The following HMCN1 variants were observed in gnomAD, a reference collection of about 807,000 sequenced individuals.
HMCN1 encodes hemicentin 1.
A neutral mutation model predicts 625.9 loss-of-function variants in HMCN1; 321 were observed. The ratio of observed to expected loss-of-function variants is 0.51; its 90% CI spans 0.47 to 0.56. HMCN1 has a LOEUF of 0.56. Ranked by LOEUF, HMCN1 falls within the 20% of genes least tolerant of loss-of-function variation. The pLI, the probability that HMCN1 is intolerant of heterozygous loss-of-function variation, is 0.00. For missense variants in HMCN1, 6,588 were observed against 6,887.3 expected, an observed-to-expected ratio of 0.96 and a Z score of 1.54; for synonymous variants, 2,425 against 2,417.6, an observed-to-expected ratio of 1.00 and a Z score of -0.09.
intron 11 of HMCN1, among the ~76,000 whole-genome samples, chr1:185,952,240 G>T (rs1382498612): frequency 1.3e-5 from 2 of 151,818 alleles, no homozygotes; most frequent in African/African-American, 4.9e-5. Flanking sequence ...GCTAGTCACG[G>T]AATGAAACTG....
intron 1 of HMCN1, among the ~76,000 whole-genome samples, chr1:185,757,221 C>T (rs2102111156): frequency 6.6e-6 from 1 of 152,322 alleles, no homozygotes; most frequent in East Asian, 1.9e-4. Flanking sequence ...AATCCACCCA[C>T]CTCGGCCTCC....
At chr1:186,133,711 A>G (rs1199957051) in intron 86 of HMCN1, among the ~76,000 whole-genome samples, 1 of 152,190 alleles carries the variant, frequency 6.6e-6, no homozygotes, top group Non-Finnish European at 1.5e-5. Context: ...TAGACATTTA[A>G]TAAGTATCTA....
At chr1:186,145,609 A>G in intron 92 of HMCN1, 36 bp downstream of exon 92, 2 of 1,612,498 alleles carry the variant, frequency 1.2e-6, no homozygotes, top group Non-Finnish European at 1.7e-6. Flanking sequence ...GAATAAGTAA[A>G]GCATTTCATT....
intron 1 of HMCN1, among the ~76,000 whole-genome samples, chr1:185,841,577 C>T (rs1024971491): frequency 6.6e-6 from 1 of 152,178 alleles, no homozygotes; most frequent in African/African-American, 2.4e-5. Flanking sequence ...CCTCCTTCCT[C>T]CTATATTCAA....
intron 46 of HMCN1, among the ~76,000 whole-genome samples, chr1:186,060,195 A>G (rs1421910287): frequency 6.6e-6 from 1 of 152,120 alleles, no homozygotes; most frequent in Non-Finnish European, 1.5e-5. Flanking sequence ...GCTTATAGAA[A>G]AAGTTCAATG....
intron 1 of HMCN1, among the ~76,000 whole-genome samples, chr1:185,832,932 G>A (rs1660952976): frequency 1.3e-5 from 2 of 152,168 alleles, no homozygotes; most frequent in South Asian, 2.1e-4. Flanking sequence ...CAGTAAAAGT[G>A]GATGGAGACT....
intron 97 of HMCN1, among the ~76,000 whole-genome samples, chr1:186,163,489 G>A (rs1030515332): frequency 8.5e-5 from 13 of 152,226 alleles, no homozygotes; most frequent in Non-Finnish European, 1.3e-4. Flanking sequence ...GAAATCACCC[G>A]TCTTCTGCCT....
intron 59 of HMCN1, 26 bp downstream of exon 59, chr1:186,087,356 T>G: frequency 6.2e-7 from 1 of 1,601,340 alleles, no homozygotes; most frequent in Non-Finnish European, 8.6e-7. Flanking sequence ...CTTCATAAAA[T>G]TCTTTTATTT....
chr1:185,877,309 C>T (rs938604371), intron 4 of HMCN1, among the ~76,000 whole-genome samples: 33 of 64,980 alleles, frequency 5.1e-4, no homozygotes, highest in Admixed American at 1.1e-3. Flanking sequence ...TTTCATTGAT[C>T]TATGTGTCTT....
At chr1:186,112,213 A>G (rs776239932) in intron 71 of HMCN1, among the ~76,000 whole-genome samples, 38 of 152,326 alleles carry the variant, frequency 2.5e-4, no homozygotes, top group Middle Eastern at 3.4e-3. Context: ...TTAGAGTACA[A>G]TGTTTTCCTC....
At position 186,086,287 on chromosome 1, in the gene HMCN1, G is replaced by T; in HGVS notation, c.8926G>T (p.Val2976Phe). 6.2e-7 allele frequency: 1 copy of T among 1,613,054 alleles called. No individual in the cohort carries two copies. Among genetic ancestry groups the T allele is most frequent in the Non-Finnish European group, 8.5e-7 (1 of 1,179,326 alleles). Residue 2976 changes from valine (V) to phenylalanine (F), a missense_variant, in exon 58 of 107, where the codon GTC becomes TTC. Physicochemically the swap from Val to Phe is conservative, Grantham distance 50. Around this residue, in one of 3 missense-constraint regions of HMCN1, gnomAD observed 4,628 missense variants for 4,853.1 expected, o/e 0.95. Transcript: ENST00000271588. ...TGGTCCTAAATCTGAAAATCTTACC[G>T]TCGTGGTGAACAATTTCATCTCTTT... is the stretch of plus-strand genomic sequence containing the variant. ...VIGPKSENLTVVVNNFISLTC... is the reference protein window; with the variant it reads ...VIGPKSENLTFVVNNFISLTC...
intron 4 of HMCN1, among the ~76,000 whole-genome samples, chr1:185,896,758 T>C (rs1665512710): frequency 6.6e-6 from 1 of 152,186 alleles, no homozygotes; most frequent in Non-Finnish European, 1.5e-5. Context: ...ATGAATAGAA[T>C]AGTTTTGCAA....
At chr1:186,168,838 C>T (rs750036545) in intron 100 of HMCN1, among the ~76,000 whole-genome samples, 4 of 151,980 alleles carry the variant, frequency 2.6e-5, no homozygotes, top group South Asian at 2.1e-4. Context: ...TAGCAATACA[C>T]GTGCCACGGT....
At chr1:186,022,901 T>C in intron 35 of HMCN1, 129 bp from the exon 36 acceptor site, 1 of 916,088 alleles carries the variant, frequency 1.1e-6, no homozygotes, top group South Asian at 1.4e-5. Context: ...CTATCAAGGG[T>C]TTATTAAGAT....
intron 11 of HMCN1, among the ~76,000 whole-genome samples, chr1:185,960,869 G>T (rs750557714): frequency 9.2e-5 from 14 of 152,132 alleles, no homozygotes; most frequent in Non-Finnish European, 1.9e-4. Context: ...ATCCCCTGAA[G>T]ATTATCTGCA....
At chr1:186,015,032 A>T in intron 30 of HMCN1, 127 bp from the exon 31 acceptor site, 1 of 816,654 alleles carries the variant, frequency 1.2e-6, no homozygotes, top group Non-Finnish European at 2.0e-6. Context: ...ATCAGGAGAT[A>T]AACCACAGAC....
intron 4 of HMCN1, among the ~76,000 whole-genome samples, chr1:185,872,838 C>T (rs944412808): frequency 1.3e-5 from 2 of 152,150 alleles, no homozygotes; most frequent in Non-Finnish European, 2.9e-5. Context: ...CACAACAGAA[C>T]TCATTGCCTG....
chr1:186,182,034 A>AT lies in HMCN1; in HGVS notation c.16295-128dup, dbSNP rs896518068. The AT allele has an allele frequency of 5.9e-5, 56 of 944,100 alleles. No homozygotes were observed. The African/African-American group carries it at 7.7e-4, about 13-fold the overall frequency. The allele number at this position is 944,100 out of a possible 1,614,324, so 58.5% of individuals were successfully genotyped here. A position where few individuals can be genotyped will look rare whatever the true frequency, so the allele number is the denominator to read the frequency against. ...ATCTTCATAGAAAATAGCTCTGAGCATTTTTTAACACATGAGTATAAAATC... is the reference window on the plus strand; with the variant it reads ...ATCTTCATAGAAAATAGCTCTGAGCATTTTTTTAACACATGAGTATAAAATC... On this transcript the variant is annotated intron_variant, in intron 104 of 106. Coordinates refer to ENST00000271588, the MANE Select transcript of HMCN1 (RefSeq NM_031935.3).
At chr1:186,029,318 G>T (rs1045726995) in intron 36 of HMCN1, among the ~76,000 whole-genome samples, 1 of 151,948 alleles carries the variant, frequency 6.6e-6, no homozygotes, top group Non-Finnish European at 1.5e-5. Flanking sequence ...GGTCAGTTAT[G>T]GGTGCTTCTT....
Sources: allele counts gnomAD v4.1 joint callset (sites outside exome capture counted in the v4.1 genomes callset), GRCh38; gene constraint gnomAD v4.1.1; regional missense constraint gnomAD v4.1.1; transcripts MANE v1.5; gene names NCBI Gene and HGNC (gene_info 2026-07-23, HGNC 2026-07-21).